Variants in PAGE1 observed in about 807,000 individuals in gnomAD.
The protein encoded by PAGE1 is P antigen family member 1.
In PAGE1, 6 loss-of-function variants were observed where a neutral mutation model predicts 11.5. The observed-to-expected ratio is 0.52, with a 90% CI of 0.29 to 1.03. The LOEUF (loss-of-function observed/expected upper bound fraction) is 1.03. Among genes scored for constraint, PAGE1 ranks in the 50% least tolerant of loss-of-function variants. The pLI, the probability that PAGE1 is intolerant of heterozygous loss-of-function variation, is 0.09. For missense variants in PAGE1, 120 were observed against 110.2 expected, an observed-to-expected ratio of 1.09 and a Z score of -0.40; for synonymous variants, 42 against 40.2, an observed-to-expected ratio of 1.05 and a Z score of -0.17.
intron 4 of PAGE1, among the ~76,000 whole-genome samples, chrX:49,690,135 A>ATATATATGTGTATATATACACG (rs2066914933): frequency 1.2e-5 from 1 of 82,334 alleles, no homozygotes. Flanking sequence ...ATATATACAC[A>ATATATATGTGTATATATACACG]TATATATGTG....
Position 49,687,546 on chromosome X carries a change from G to T in PAGE1, c.436C>A (p.Pro146Thr), listed in dbSNP as rs782263419. The T allele has an allele frequency of 1.6e-5, 19 of 1,202,763 alleles. No individual in the cohort carries two copies. Among genetic ancestry groups the T allele is most frequent in the Admixed American group, 2.2e-5 (1 of 45,040 alleles). Residue 146 changes from proline (P) to threonine (T), a missense_variant, in exon 6 of 6, where the codon CCT becomes ACT. Pro to Thr is a conservative substitution (Grantham distance 38). Transcript: ENST00000376150. The part of the protein sequence containing the change: ...TPEEDEGQSQ[P>T] ...CCATTTCAGCGTGTCTTCTTTTAAG[G>T]CTGTGATTGCCCTTCATCTGTAACA...
chrX:49,687,960 G>C (rs781975309), intron 5 of PAGE1, among the ~76,000 whole-genome samples: 1 of 112,818 alleles, frequency 8.9e-6, no homozygotes, highest in African/African-American at 3.2e-5. Context: ...TATGGTTAGA[G>C]ATCATGTATG....
At chrX:49,689,798 ATATATATGTG>A (rs2066905731) in intron 4 of PAGE1, among the ~76,000 whole-genome samples, 1 of 61,585 alleles carries the variant, frequency 1.6e-5, no homozygotes, top group Non-Finnish European at 2.7e-5. Flanking sequence ...ATATATATGT[ATATATATGTG>A]TATATACACA....
chrX:49,695,602 C>T (rs899675452), intron 1 of PAGE1, among the ~76,000 whole-genome samples: 7 of 112,151 alleles, frequency 6.2e-5, no homozygotes, highest in Admixed American at 3.8e-4. Context: ...CCGCAGCACT[C>T]GCCTCATTTT....
intron 4 of PAGE1, 52 bp downstream of exon 4, chrX:49,691,197 A>C: frequency 8.6e-7 from 1 of 1,168,169 alleles, no homozygotes; most frequent in Admixed American, 2.3e-5. Context: ...AGAAAATTAT[A>C]ATACTGTGGA....
In PAGE1 at chrX:49,691,281, C is replaced by T. The variant is rs782482756; in HGVS notation, c.260G>A (p.Arg87Gln). ...GGGCAGTTTCATCTGCTCTTCATTT[C>T]GCAGGCACACCCTCTTGGTATCAGG... ...DGPDTKRVCL[R>Q]NEEQMKLPAE... The change falls in exon 4 of 6, where the codon CGA becomes CAA. Residue 87 changes from arginine to glutamine, a missense_variant. Arg to Gln is a conservative substitution (Grantham distance 43). Coordinates refer to ENST00000376150, the MANE Select transcript of PAGE1 (RefSeq NM_003785.4). 11 of 1,208,890 alleles carry T rather than the reference C, an allele frequency of 9.1e-6. No individual in the cohort carries two copies. The highest frequency in any genetic ancestry group is 7.1e-5 in the South Asian group (4 of 56,487).
intron 3 of PAGE1, among the ~76,000 whole-genome samples, chrX:49,692,879 C>T (rs1373583901): frequency 9.0e-6 from 1 of 111,028 alleles, no homozygotes; most frequent in Non-Finnish European, 1.9e-5. Flanking sequence ...CCTCAGCCTC[C>T]CAAGTAGCTG....
intron 3 of PAGE1, 65 bp from the exon 4 acceptor site, chrX:49,691,439 A>C: frequency 1.1e-6 from 1 of 936,975 alleles, no homozygotes; most frequent in Non-Finnish European, 1.5e-6. Context: ...AGAAAATAAT[A>C]TTCATGCTCT....
Position 49,689,515 on chromosome X carries a change from T to A in PAGE1, c.321A>T (p.Glu107Asp), listed in dbSNP as rs200111428. The A allele has an allele frequency of 6.7e-6, 6 of 899,314 alleles. No individual in the cohort carries two copies. The highest frequency in any genetic ancestry group is 8.3e-6 in the Non-Finnish European group (6 of 724,243). 74.1% of individuals were successfully genotyped at this position (899,314 alleles called of 1,213,427 possible). Residue 107 changes from glutamate (E) to aspartate (D), a missense_variant, in exon 5 of 6, where the codon GAA becomes GAT. Glu to Asp is a conservative substitution (Grantham distance 45). Transcript: ENST00000376150. Reference sequence around the variant, plus strand: ...CACACCCAGTCTTCGGGTGAACCTGTTCCTGGCTATCCGCTTCAGGCTCTG... The same window carrying A: ...CACACCCAGTCTTCGGGTGAACCTGATCCTGGCTATCCGCTTCAGGCTCTG... ...EGPEPEADSQ[E>D]QVHPKTGCER...
In PAGE1 at chrX:49,689,495, C is replaced by T; in HGVS notation, c.341G>A (p.Gly114Glu). 9.9e-7 allele frequency: 1 copy of T among 1,013,511 alleles called. No homozygotes were observed. Among genetic ancestry groups the T allele is most frequent in the Non-Finnish European group, 1.3e-6 (1 of 789,746 alleles). The allele number at this position is 1,013,511 out of a possible 1,213,427, so 83.5% of individuals were successfully genotyped here. A position where few individuals can be genotyped will look rare whatever the true frequency, so the allele number is the denominator to read the frequency against. ...DSQEQVHPKT[G>E]CERGDGPDVQ... ...ATCAGGACCATCTCCGCGCTCACAC[C>T]CAGTCTTCGGGTGAACCTGTTCCTG... The change falls in exon 5 of 6, where the codon GGG (glycine) becomes GAG (glutamate). Residue 114 changes from glycine to glutamate, a missense_variant. Gly to Glu is a moderately conservative substitution (Grantham distance 98). Coordinates refer to ENST00000376150, the MANE Select transcript of PAGE1 (RefSeq NM_003785.4).
At chrX:49,692,584 G>T (rs1002871356) in intron 3 of PAGE1, among the ~76,000 whole-genome samples, 10 of 110,285 alleles carry the variant, frequency 9.1e-5, no homozygotes, top group Non-Finnish European at 5.7e-5. Context: ...GTAAAAACTT[G>T]TAAGAATATA....
Position 49,694,178 on chromosome X carries a change from G to C in PAGE1, c.87C>G (p.Asp29Glu). The C allele has an allele frequency of 8.5e-7, 1 of 1,178,983 alleles. No individual in the cohort carries two copies. Among genetic ancestry groups the C allele is most frequent in the Non-Finnish European group, 1.1e-6 (1 of 875,231 alleles). The change falls in exon 3 of 6, where the codon GAC (aspartate) becomes GAG (glutamate). Residue 29 changes from aspartate to glutamate, a missense_variant. Asp to Glu is a conservative substitution (Grantham distance 45). Transcript: ENST00000376150. ...SSEESSDEQP[D>E]EVESPTQSQD... The stretch of plus-strand genomic sequence containing the variant: ...GACTTTGAGTTGGTGATTCCACTTC[G>C]TCAGGTTGCTCATCACTGGACTCCT...
Position 49,689,926 on chromosome X carries a change from AGGG to A in PAGE1, c.293-386_293-384del, listed in dbSNP as rs1302135498. ...TATATGTGTATATACACACATATAT[AGGG>A]TGTATATATATGTGTGTATATACAC... On this transcript the variant is annotated intron_variant, in intron 4 of 5. Coordinates refer to ENST00000376150, the MANE Select transcript of PAGE1 (RefSeq NM_003785.4). Among the ~76,000 whole-genome samples the A allele has an allele frequency of 8.8e-3, 197 of 22,312 alleles. 32 individuals carry two copies. The highest frequency in any genetic ancestry group is 0.012 in the Non-Finnish European group (173 of 13,866). 19.4% of individuals were successfully genotyped at this position (22,312 alleles called of 115,157 possible).
chrX:49,687,698 G>A, intron 5 of PAGE1, 135 bp from the exon 6 acceptor site: 2 of 484,574 alleles, frequency 4.1e-6, no homozygotes, highest in Non-Finnish European at 6.7e-6. Flanking sequence ...GCGATCCTGT[G>A]TCTTATAGCC....
chrX:49,692,783 ATTATTTAT>A (rs781833593), intron 3 of PAGE1, among the ~76,000 whole-genome samples: 3 of 109,592 alleles, frequency 2.7e-5, no homozygotes, highest in African/African-American at 1.0e-4. Context: ...CGAAACATTT[ATTATTTAT>A]TTATTTATTT....
rs2066894933 is a variant in PAGE1 at position 49,689,346 on chromosome X, A to C, written c.418+72T>G. 9 of 931,029 alleles carry C rather than the reference A, an allele frequency of 9.7e-6. No homozygotes were observed. In the South Asian group the frequency reaches 1.7e-4, roughly 17 times the overall value. 76.7% of individuals were successfully genotyped at this position (931,029 alleles called of 1,213,427 possible). ...ACAGAGCGAGACTCTGTCTCAAAAA[A>C]ATAATAATTATTATAATATGATACT... On this transcript the variant is annotated intron_variant, in intron 5 of 5. Coordinates refer to ENST00000376150, the MANE Select transcript of PAGE1 (RefSeq NM_003785.4).
In PAGE1 at chrX:49,689,488, C is replaced by A; in HGVS notation, c.348G>T (p.Glu116Asp). 1 of 1,030,500 alleles carries A rather than the reference C, an allele frequency of 9.7e-7. No homozygotes were observed. The highest frequency in any genetic ancestry group is 1.3e-6 in the Non-Finnish European group (1 of 798,105). The allele number at this position is 1,030,500 out of a possible 1,213,427, so 84.9% of individuals were successfully genotyped here. ...CCTGGACATCAGGACCATCTCCGCG[C>A]TCACACCCAGTCTTCGGGTGAACCT... The part of the protein sequence containing the change: ...QEQVHPKTGC[E>D]RGDGPDVQEL... Residue 116 changes from glutamate to aspartate, a missense_variant, in exon 5 of 6, where the codon GAG becomes GAT. Physicochemically the swap from Glu to Asp is conservative, Grantham distance 45. Coordinates refer to ENST00000376150, the MANE Select transcript of PAGE1 (RefSeq NM_003785.4).
Sources: allele counts gnomAD v4.1 joint callset (sites outside exome capture counted in the v4.1 genomes callset), GRCh38; gene constraint gnomAD v4.1.1; transcripts MANE v1.5; gene names NCBI Gene and HGNC (gene_info 2026-07-23, HGNC 2026-07-21).